The following PGM2L1 variants were observed in gnomAD, a reference collection of about 807,000 sequenced individuals.
PGM2L1 encodes glucose 1,6-bisphosphate synthase.
PGM2L1 carries 35 observed loss-of-function variants against 73.4 expected under a neutral mutation model. The ratio of observed to expected loss-of-function variants is 0.48; its 90% confidence interval spans 0.36 to 0.63. The LOEUF is 0.63. Among genes scored for constraint, PGM2L1 ranks in the 30% least tolerant of loss-of-function variants. PGM2L1 has a pLI of 0.00. For missense variants in PGM2L1, 570 were observed against 742.0 expected, an observed-to-expected ratio of 0.77 and a Z score of 2.69; for synonymous variants, 225 against 253.8, an observed-to-expected ratio of 0.89 and a Z score of 1.08.
chr11:74,342,440 G>GA (rs745961551), intron 12 of PGM2L1, 21 bp downstream of exon 12: 31,917 of 893,364 alleles, frequency 0.036, no homozygotes, highest in South Asian at 0.04. Context: ...AAATTGTTTG[G>GA]AAAAAAAAAA....
At chr11:74,351,858 A>T (rs1289551223) in intron 5 of PGM2L1, among the ~76,000 whole-genome samples, 5 of 152,000 alleles carry the variant, frequency 3.3e-5, no homozygotes, top group Non-Finnish European at 7.4e-5. Context: ...GCTACTCGGG[A>T]GGCTGAGGCA....
chr11:74,373,051 A>G (rs981594407), intron 2 of PGM2L1, among the ~76,000 whole-genome samples: 14 of 152,102 alleles, frequency 9.2e-5, no homozygotes, highest in African/African-American at 3.1e-4. Flanking sequence ...AACCTCAATT[A>G]CTTTTGCACC....
In PGM2L1 at chr11:74,398,185, CG is replaced by C; in HGVS notation, c.-25del. The C allele has an allele frequency of 2.5e-6, 4 of 1,589,216 alleles. No individual in the cohort carries two copies. The highest frequency in any genetic ancestry group is 2.3e-5 in the East Asian group (1 of 44,122). ...ATGGCGACCAGACAGGCGTACGGGC[CG>C]GGGGCCGGCGAAGACACTGAGTTGG... On this transcript the variant is annotated 5_prime_UTR_variant, in exon 1 of 14. Transcript: ENST00000298198.
Position 74,342,911 on chromosome 11 carries a change from T to A in PGM2L1, c.1416A>T (p.Lys472Asn). The A allele has an allele frequency of 6.2e-7, 1 of 1,607,610 alleles. No individual in the cohort carries two copies. Among genetic ancestry groups the A allele is most frequent in the Non-Finnish European group, 8.5e-7 (1 of 1,177,640 alleles). ...SYLETMNITL[K>N]QQLVKVYEKY... ...TTTCATAAACCTTAACCAGTTGCTG[T>A]TTCAATGTTATATTCATGGTTTCCA... The change falls in exon 11 of 14, where the codon AAA becomes AAT. Residue 472 changes from lysine to asparagine, a missense_variant. By Grantham distance (94) the Lys-to-Asn change is moderately conservative. Transcript: ENST00000298198.
Position 74,343,208 on chromosome 11 carries a change from C to T in PGM2L1, c.1312+115G>A, listed in dbSNP as rs1862209842. Reference sequence around the variant, plus strand: ...GAAATGTATCTACATATTTCTCATTCTCTGTAGTTTTTACAACTCAAAATA... The same window carrying T: ...GAAATGTATCTACATATTTCTCATTTTCTGTAGTTTTTACAACTCAAAATA... On this transcript the variant is annotated intron_variant, in intron 10 of 13. Transcript: ENST00000298198. The T allele has an allele frequency of 7.4e-6, 10 of 1,345,564 alleles. No individual in the cohort carries two copies. The Admixed American group carries it at 2.2e-4, about 29-fold the overall frequency. The allele number at this position is 1,345,564 out of a possible 1,614,324, so 83.4% of individuals were successfully genotyped here.
rs1176813519 is a variant in PGM2L1 at position 74,368,344 on chromosome 11, ATTC to A, written c.555+145_555+147del. On this transcript the variant is annotated intron_variant, in intron 5 of 13. Coordinates refer to ENST00000298198, the MANE Select transcript of PGM2L1 (RefSeq NM_173582.6). ...GTAATAAATACCATTAGGGATACAC[ATTC>A]TTTGAGGACCAGCCTCAGTGTTTTT... 9.9e-6 allele frequency: 6 copies of A among 603,354 alleles called. No individual in the cohort carries two copies. The Admixed American group carries it at 1.8e-4, about 18-fold the overall frequency. 37.4% of individuals were successfully genotyped at this position (603,354 alleles called of 1,614,324 possible). A position where few individuals can be genotyped will look rare whatever the true frequency, so the allele number is the denominator to read the frequency against.
chr11:74,365,112 G>A (rs1862634627), intron 5 of PGM2L1, among the ~76,000 whole-genome samples: 1 of 149,266 alleles, frequency 6.7e-6, no homozygotes, highest in South Asian at 2.2e-4. Context: ...CAAGAAATGG[G>A]GAAAGGATTC....
chr11:74,370,863 G>A (rs1434181043), intron 4 of PGM2L1, 39 bp downstream of exon 4: 1 of 1,496,416 alleles, frequency 6.7e-7, no homozygotes, highest in Non-Finnish European at 9.3e-7. Context: ...ATGTTTTCAA[G>A]AGCAGCAAGC....
At chr11:74,381,700 TC>T (rs1862949353) in intron 1 of PGM2L1, among the ~76,000 whole-genome samples, 1 of 148,112 alleles carries the variant, frequency 6.8e-6, no homozygotes, top group Admixed American at 6.9e-5. Context: ...TGCCTTGGCC[TC>T]CCCAAAGTGC....
At chr11:74,353,263 CTTAAT>C (rs145949271) in intron 5 of PGM2L1, among the ~76,000 whole-genome samples, 8,091 of 151,968 alleles carry the variant, frequency 0.053, 697 homozygotes, top group African/African-American at 0.18. Context: ...GTTTGGACAA[CTTAAT>C]TTAGTTAATT....
intron 5 of PGM2L1, among the ~76,000 whole-genome samples, chr11:74,351,927 A>G (rs1201712795): frequency 6.6e-6 from 1 of 151,320 alleles, no homozygotes; most frequent in Non-Finnish European, 1.5e-5. Context: ...GCGCCACCAC[A>G]CTCCAGCCTG....
chr11:74,394,102 T>C (rs963579167), intron 1 of PGM2L1, among the ~76,000 whole-genome samples: 2 of 152,132 alleles, frequency 1.3e-5, no homozygotes, highest in Non-Finnish European at 2.9e-5. Flanking sequence ...ACTTGTTGGG[T>C]TCTAATGGTA....
intron 5 of PGM2L1, among the ~76,000 whole-genome samples, chr11:74,356,036 T>C (rs2134905169): frequency 6.6e-6 from 1 of 152,214 alleles, no homozygotes; most frequent in Middle Eastern, 3.4e-3. Flanking sequence ...AGTCTGATCA[T>C]GATGCTGAAT....
Position 74,368,504 on chromosome 11 carries a change from G to A in PGM2L1, c.543C>T (p.Asp181=). Residue 181 remains aspartate, a synonymous_variant, in exon 5 of 14, where the codon GAC becomes GAT. Coordinates refer to ENST00000298198, the MANE Select transcript of PGM2L1 (RefSeq NM_173582.6). ...GTCCAAGGTTTACCTTGTATCCATT[G>A]TCTTCCTTGCGGTTGTGAGAGGCAG... ...MITASHNRKE[D]NGYKVYWETG... 1.2e-6 allele frequency: 2 copies of A among 1,612,614 alleles called. No individual in the cohort carries two copies. Among genetic ancestry groups the A allele is most frequent in the Non-Finnish European group, 8.5e-7 (1 of 1,178,704 alleles).
intron 12 of PGM2L1, among the ~76,000 whole-genome samples, chr11:74,341,636 A>G (rs1443902528): frequency 6.7e-6 from 1 of 150,030 alleles, no homozygotes; most frequent in Non-Finnish European, 1.5e-5. Flanking sequence ...AGGTTGCAGT[A>G]AGCTGAGATC....
At chr11:74,359,582 C>T (rs76030412) in intron 5 of PGM2L1, among the ~76,000 whole-genome samples, 5,526 of 145,620 alleles carry the variant, frequency 0.038, 106 homozygotes, top group Middle Eastern at 0.087. Context: ...TATATATATA[C>T]ACATACATAC....
intron 5 of PGM2L1, among the ~76,000 whole-genome samples, chr11:74,367,830 G>A (rs673103): frequency 0.63 from 95,930 of 152,066 alleles, 30,461 homozygotes; most frequent in East Asian, 0.8. Context: ...TGGTAACACT[G>A]TTCTTCACTT....
chr11:74,342,492 C>T lies in PGM2L1; in HGVS notation c.1601G>A (p.Gly534Glu). The change falls in exon 12 of 14, where the codon GGA becomes GAA. Residue 534 changes from glycine to glutamate, a missense_variant. Transcript: ENST00000298198. ...CTTATTAGGCTGGCTACTGTCATAT[C>T]CAGTGGTAACGTCCCGTACATGCAA... ...AILHVRDVTT[G>E]YDSSQPNKKS... 1 of 1,554,538 alleles carries T rather than the reference C, an allele frequency of 6.4e-7. No individual in the cohort carries two copies. Among genetic ancestry groups the T allele is most frequent in the South Asian group, 1.3e-5 (1 of 79,054 alleles).
At chr11:74,338,296 G>A (rs1274250306) in intron 13 of PGM2L1, among the ~76,000 whole-genome samples, 172 bp downstream of exon 13, 4 of 152,114 alleles carry the variant, frequency 2.6e-5, no homozygotes, top group East Asian at 3.9e-4. Flanking sequence ...TCATGGCTAC[G>A]GGCTTTTGGG....
Sources: allele counts gnomAD v4.1 joint callset (sites outside exome capture counted in the v4.1 genomes callset), GRCh38; gene constraint gnomAD v4.1.1; transcripts MANE v1.5; gene names NCBI Gene and HGNC (gene_info 2026-07-23, HGNC 2026-07-21).